SAMD14: variants seen among roughly 807,000 people sequenced by gnomAD.
SAMD14 encodes the protein sterile alpha motif domain-containing protein 14.
SAMD14 carries 27 observed loss-of-function variants against 46.2 expected under a neutral mutation model. The ratio of observed to expected loss-of-function variants is 0.58; its 90% CI spans 0.43 to 0.81. The LOEUF (loss-of-function observed/expected upper bound fraction) is 0.81, where lower values mean the gene tolerates loss of function less well. Ranked by LOEUF, SAMD14 falls within the 30% of genes least tolerant of loss-of-function variation. SAMD14 has a pLI of 0.00. For missense variants in SAMD14, 559 were observed against 582.2 expected (o/e 0.96, Z 0.41); for synonymous variants, 241 against 254.3 (o/e 0.95, Z 0.50).
In SAMD14 at chr17:50,112,957, T is replaced by C. The variant is rs1220223035; in HGVS notation, c.1190A>G (p.Gln397Arg). The stretch of plus-strand genomic sequence containing the variant: ...CTCCCGCTGCCGCGCAGCCTTCTCC[T>C]GGGCCTTGCGCTCCTTCTCGGCAGC... ...AAAAEKERKA[Q>R]EKAARQREKL... Residue 397 changes from glutamine to arginine, a missense_variant, in exon 10 of 10, where the codon CAG (glutamine) becomes CGG (arginine). Gln to Arg is a conservative substitution (Grantham distance 43). Transcript: ENST00000330175. 6 of 1,611,124 alleles carry C rather than the reference T, an allele frequency of 3.7e-6. No homozygotes were observed. Among genetic ancestry groups the C allele is most frequent in the East Asian group, 2.2e-5 (1 of 44,876 alleles).
Position 50,117,598 on chromosome 17 carries a change from G to A in SAMD14, c.308C>T (p.Pro103Leu). ...PAGGSFCLDP[P>L]GLRRSLDEDE... ...CTCGTCCAGGCTGCGCCGCAACCCC[G>A]GAGGATCCAGGCAGAAAGAGCCCCC... Residue 103 changes from proline (P) to leucine (L), a missense_variant, in exon 4 of 10, where the codon CCG becomes CTG. Transcript: ENST00000330175. The A allele has an allele frequency of 1.3e-6, 2 of 1,554,596 alleles. No homozygotes were observed. Among genetic ancestry groups the A allele is most frequent in the Non-Finnish European group, 1.7e-6 (2 of 1,160,262 alleles).
intron 1 of SAMD14, among the ~76,000 whole-genome samples, chr17:50,128,482 TCACACACACACA>T (rs34869142): frequency 7.4e-6 from 1 of 135,798 alleles, no homozygotes; most frequent in Non-Finnish European, 1.6e-5. Context: ...GCACACTCTC[TCACACACACACA>T]CACACACACA....
At chr17:50,127,049 G>A (rs999794140) in intron 1 of SAMD14, among the ~76,000 whole-genome samples, 2 of 150,602 alleles carry the variant, frequency 1.3e-5, no homozygotes, top group Non-Finnish European at 3.0e-5. Context: ...GCAGTGAGCC[G>A]ACATCATGCC....
chr17:50,128,486 A>T (rs572887033), intron 1 of SAMD14, among the ~76,000 whole-genome samples: 5,311 of 141,540 alleles, frequency 0.038, 168 homozygotes, highest in African/African-American at 0.091. Flanking sequence ...ACTCTCTCAC[A>T]CACACACACA....
chr17:50,113,017 G>T lies in SAMD14; in HGVS notation c.1130C>A (p.Ala377Glu). Residue 377 changes from alanine (A) to glutamate (E), a missense_variant, in exon 10 of 10, where the codon GCA (alanine) becomes GAA (glutamate). Physicochemically the swap from Ala to Glu is moderately radical, Grantham distance 107. Coordinates refer to ENST00000330175, the MANE Select transcript of SAMD14 (RefSeq NM_001257359.2). The stretch of plus-strand genomic sequence containing the variant: ...CTCCTTCAACTTGCGCTTCACCAGT[G>T]CCCGGTCATGAGAGTTGCTGAGCCC... ...SLGLSNSHDR[A>E]LVKRKLKEMA... 2 of 1,612,500 alleles carry T rather than the reference G, an allele frequency of 1.2e-6. No individual in the cohort carries two copies. Among genetic ancestry groups the T allele is most frequent in the Non-Finnish European group, 8.5e-7 (1 of 1,179,984 alleles).
At chr17:50,122,439 T>TGCCCACATCCCATCACGTCCAC (rs552546056) in intron 2 of SAMD14, among the ~76,000 whole-genome samples, 42 of 152,296 alleles carry the variant, frequency 2.8e-4, no homozygotes, top group African/African-American at 9.1e-4. Context: ...TCCATGCCCA[T>TGCCCACATCCCATCACGTCCAC]GCCCACATCC....
At chr17:50,120,090 G>T (rs764972393) in intron 2 of SAMD14, among the ~76,000 whole-genome samples, 2 of 152,200 alleles carry the variant, frequency 1.3e-5, no homozygotes, top group South Asian at 4.1e-4. Context: ...CAGGGCAATA[G>T]GGGGAGGGCG....
chr17:50,113,774 G>T, intron 9 of SAMD14, 150 bp downstream of exon 9: 1 of 819,386 alleles, frequency 1.2e-6, no homozygotes, highest in Non-Finnish European at 1.9e-6. Flanking sequence ...TTGCCTAGAG[G>T]TCAGAGGTCA....
rs760121579 is a variant in SAMD14 at position 50,110,076 on chromosome 17, G to A, written c.*2817C>T. The A allele has an allele frequency of 1.4e-5, 23 of 1,609,662 alleles. No homozygotes were observed. Among genetic ancestry groups the A allele is most frequent in the Admixed American group, 5.0e-5 (3 of 59,722 alleles). ...TGCCCAGCACGGAGCCCAAGAACAC[G>A]TCCACGTACCGCGTCAGCTAAGGGC... is the stretch of plus-strand genomic sequence containing the variant. On this transcript the variant is annotated 3_prime_UTR_variant, in exon 10 of 10. Transcript: ENST00000330175.
rs115926127 is a variant in SAMD14 at position 50,114,001 on chromosome 17, C to G, written c.1021G>C (p.Glu341Gln). ...GCAGCAAACTCAGCAGCATACTGTT[C>G]CAGGTTGAGGCTCTGCAGCCACTGG... is the stretch of plus-strand genomic sequence containing the variant. ...VGQWLQSLNL[E>Q]QYAAEFAARQ... is the part of the protein sequence containing the mutation. Residue 341 changes from glutamate to glutamine, a missense_variant, in exon 9 of 10, where the codon GAA becomes CAA. By Grantham distance (29) the Glu-to-Gln change is conservative. Coordinates refer to ENST00000330175, the MANE Select transcript of SAMD14 (RefSeq NM_001257359.2). 1 of 1,613,560 alleles carries G rather than the reference C, an allele frequency of 6.2e-7. No homozygotes were observed. Among genetic ancestry groups the G allele is most frequent in the East Asian group, 2.2e-5 (1 of 44,898 alleles).
In SAMD14 at chr17:50,110,119, TGA is replaced by T. The variant is rs762575163; in HGVS notation, c.*2772_*2773del. 1 of 1,571,882 alleles carries T rather than the reference TGA, an allele frequency of 6.4e-7. No individual in the cohort carries two copies. Among genetic ancestry groups the T allele is most frequent in the Admixed American group, 1.8e-5 (1 of 57,028 alleles). ...CTAAGGGCCGCCGTGCATCTGCACC[TGA>T]GAGGACGGACTGCCGCCTCTGGGTC... is the stretch of plus-strand genomic sequence containing the variant. On this transcript the variant is annotated 3_prime_UTR_variant, in exon 10 of 10. Transcript: ENST00000330175.
At position 50,120,872 on chromosome 17, in the gene SAMD14, G is replaced by GC. The variant is rs1039610092; in HGVS notation, c.44-2546dup. ...TTCCCTGACCACCCAATTTATAATAGCCCCCCCACTCCAAAACTCCACTCC... is the reference window on the plus strand; with the variant it reads ...TTCCCTGACCACCCAATTTATAATAGCCCCCCCCACTCCAAAACTCCACTCC... On this transcript the variant is annotated intron_variant, in intron 2 of 9. Coordinates refer to ENST00000330175, the MANE Select transcript of SAMD14 (RefSeq NM_001257359.2). 1.3e-4 allele frequency among the ~76,000 whole-genome samples: 20 copies of GC among 151,964 alleles called. 1 individual carries two copies. The highest frequency in any genetic ancestry group is 1.2e-3 in the South Asian group (6 of 4,802).
rs1451566180 is a variant in SAMD14, at chr17:50,114,167, C to G, written c.942+20G>C. The G allele has an allele frequency of 1.9e-6, 3 of 1,613,932 alleles. No individual in the cohort carries two copies. The African/African-American group carries it at 4.0e-5, about 22-fold the overall frequency. ...TCAGAGGTCAGGACTCCGTGGGCACCCTGGGCCAGCCTTGCTCACCTCATC... is the reference window on the plus strand; with the variant it reads ...TCAGAGGTCAGGACTCCGTGGGCACGCTGGGCCAGCCTTGCTCACCTCATC... On this transcript the variant is annotated intron_variant, in intron 8 of 9. Coordinates refer to ENST00000330175, the MANE Select transcript of SAMD14 (RefSeq NM_001257359.2).
chr17:50,110,178 G>T lies in SAMD14; in HGVS notation c.*2715C>A. On this transcript the variant is annotated 3_prime_UTR_variant, in exon 10 of 10. Coordinates refer to ENST00000330175, the MANE Select transcript of SAMD14 (RefSeq NM_001257359.2). Reference sequence around the variant, plus strand: ...CCGTGGTGCCCCTCACCATCCTCCTGGGGGAGCAGGGGGTGGGTTCTCCCT... The same window carrying T: ...CCGTGGTGCCCCTCACCATCCTCCTTGGGGAGCAGGGGGTGGGTTCTCCCT... 1 of 1,419,218 alleles carries T rather than the reference G, an allele frequency of 7.0e-7. No individual in the cohort carries two copies. Among genetic ancestry groups the T allele is most frequent in the Non-Finnish European group, 9.4e-7 (1 of 1,063,906 alleles). The allele number at this position is 1,419,218 out of a possible 1,614,324, so 87.9% of individuals were successfully genotyped here.
At chr17:50,128,136 C>A (rs1238800073) in intron 1 of SAMD14, among the ~76,000 whole-genome samples, 2 of 152,146 alleles carry the variant, frequency 1.3e-5, no homozygotes, top group Admixed American at 1.3e-4. Context: ...GTGTTGTCTC[C>A]TTTCTGCCTC....
chr17:50,111,357 T>A lies in SAMD14; in HGVS notation c.*1536A>T, dbSNP rs1013444854. On this transcript the variant is annotated 3_prime_UTR_variant, in exon 10 of 10. Coordinates refer to ENST00000330175, the MANE Select transcript of SAMD14 (RefSeq NM_001257359.2). ...GGATTTATTGAAATAAATTGAGAAC[T>A]GCCTCCCCTTCACATGCAGGTGGGC... The A allele has an allele frequency of 6.6e-6, 1 of 152,268 alleles. No individual in the cohort carries two copies. The highest frequency in any genetic ancestry group is 2.4e-5 in the African/African-American group (1 of 41,462). The allele number at this position is 152,268 out of a possible 1,614,324, so 9.4% of individuals were successfully genotyped here.
intron 1 of SAMD14, among the ~76,000 whole-genome samples, chr17:50,127,407 A>T (rs995980323): frequency 6.6e-6 from 1 of 152,146 alleles, no homozygotes; most frequent in African/African-American, 2.4e-5. Context: ...GTTTGAGACC[A>T]GCCTGACCAA....
chr17:50,119,231 T>C (rs763332701), intron 2 of SAMD14, among the ~76,000 whole-genome samples: 1 of 152,218 alleles, frequency 6.6e-6, no homozygotes, highest in Non-Finnish European at 1.5e-5. Flanking sequence ...GCAGACCCAG[T>C]GGGTCCAGCG....
Position 50,114,364 on chromosome 17 carries a change from A to G in SAMD14, c.823-58T>C, listed in dbSNP as rs750453041. The G allele has an allele frequency of 8.7e-6, 14 of 1,613,848 alleles. No individual in the cohort carries two copies. Among genetic ancestry groups the G allele is most frequent in the Admixed American group, 5.0e-5 (3 of 59,998 alleles). ...AGTTCACCCCCAACCCACCATCCCT[A>G]TCTGGGTGGAGCCGAAGTCCTGGAC... is the stretch of plus-strand genomic sequence containing the variant. On this transcript the variant is annotated intron_variant, in intron 7 of 9. Coordinates refer to ENST00000330175, the MANE Select transcript of SAMD14 (RefSeq NM_001257359.2).
Sources: allele counts gnomAD v4.1 joint callset (sites outside exome capture counted in the v4.1 genomes callset), GRCh38; gene constraint gnomAD v4.1.1; transcripts MANE v1.5; gene names NCBI Gene and HGNC (gene_info 2026-07-23, HGNC 2026-07-21).